METTL15: variants seen among roughly 807,000 people sequenced by gnomAD.
METTL15 encodes the protein methyltransferase 15, mitochondrial 12S rRNA N4-cytidine, also known as 12S rRNA N(4)-cytidine methyltransferase METTL15.
METTL15 carries 34 observed loss-of-function variants against 38.3 expected under a neutral mutation model. The ratio of observed to expected loss-of-function variants is 0.89; its 90% CI spans 0.68 to 1.18. The LOEUF is 1.18. Among genes scored for constraint, METTL15 ranks in the 50% most tolerant of loss-of-function variants. The probability of loss-of-function intolerance (pLI) is 0.00; values close to 1 mark genes in which losing one functional copy is unlikely to be tolerated. For missense variants in METTL15, 438 were observed against 498.4 expected (o/e 0.88, Z 1.15); for synonymous variants, 162 against 170.9 (o/e 0.95, Z 0.41).
rs190288623 is a variant in METTL15, at chr11:28,394,485, G to T, written c.*359-29814G>T. Among the ~76,000 whole-genome samples the T allele has an allele frequency of 2.1e-3, 313 of 152,114 alleles. 1 individual carries two copies. Among genetic ancestry groups the T allele is most frequent in the African/African-American group, 6.3e-3 (260 of 41,530 alleles). On this transcript the variant is annotated intron_variant and NMD_transcript_variant, in intron 5 of 7. Coordinates refer to the METTL15 transcript ENST00000532947. ...CTCACACACTCTGGCTCACAAGGAG[G>T]GGGGTGGAAGTTATAAAAAGGAGTG...
rs1426096743 is a variant in METTL15, at chr11:28,137,644, A to ATG, written c.270+24042_270+24043dup. Among the ~76,000 whole-genome samples the ATG allele has an allele frequency of 7.9e-5, 12 of 152,338 alleles. No homozygotes were observed. The East Asian group carries it at 1.9e-3, about 24-fold the overall frequency. On this transcript the variant is annotated intron_variant, in intron 3 of 6. Transcript: ENST00000407364. The stretch of plus-strand genomic sequence containing the variant: ...AAGAAGCAGTTTGTAACCTTCGAAC[A>ATG]TGTAGCAAACCTAGTATCTGACCAG...
At position 28,142,660 on chromosome 11, in the gene METTL15, A is replaced by G. The variant is rs571125016; in HGVS notation, c.270+29056A>G. Among the ~76,000 whole-genome samples, 29 of 152,288 alleles carry G rather than the reference A, an allele frequency of 1.9e-4. 2 individuals are homozygous for G. In the South Asian group the frequency reaches 5.8e-3, roughly 30 times the overall value. On this transcript the variant is annotated intron_variant, in intron 3 of 6. Coordinates refer to ENST00000407364, the MANE Select transcript of METTL15 (RefSeq NM_001113528.2). ...AGTGTAGACAGCAAGGATGTATGGA[A>G]AAAGATGAAGTTAAGGAGAACAGAA...
chr11:28,174,363 A>C (rs1850972806), intron 3 of METTL15, among the ~76,000 whole-genome samples: 1 of 152,188 alleles, frequency 6.6e-6, no homozygotes, highest in African/African-American at 2.4e-5. Context: ...ATTTTATTAT[A>C]ACCAAGGTTT....
At chr11:28,218,922 G>T (rs554818001) in intron 4 of METTL15, among the ~76,000 whole-genome samples, 1 of 152,266 alleles carries the variant, frequency 6.6e-6, no homozygotes, top group Non-Finnish European at 1.5e-5. Context: ...CTTGATCATG[G>T]TGGATAAGCT....
intron 6 of METTL15, among the ~76,000 whole-genome samples, chr11:28,456,751 GT>G (rs1482507849): frequency 1.3e-5 from 2 of 152,082 alleles, no homozygotes; most frequent in Non-Finnish European, 2.9e-5. Context: ...CAGCCCCCAT[GT>G]TTTAAGAAGC....
chr11:28,487,813 G>A (rs1851450650), intron 6 of METTL15, among the ~76,000 whole-genome samples: 1 of 152,092 alleles, frequency 6.6e-6, no homozygotes, highest in Admixed American at 6.6e-5. Context: ...GCACTACAAT[G>A]TTGAATTGCA....
At chr11:28,275,561 C>CA (rs1205976794) in intron 4 of METTL15, among the ~76,000 whole-genome samples, 1 of 149,674 alleles carries the variant, frequency 6.7e-6, no homozygotes, top group East Asian at 2.0e-4. Context: ...GAAACTATCC[C>CA]AAAAAATCAG....
At chr11:28,140,395 C>T (rs1048736124) in intron 3 of METTL15, among the ~76,000 whole-genome samples, 1 of 152,136 alleles carries the variant, frequency 6.6e-6, no homozygotes, top group Non-Finnish European at 1.5e-5. Context: ...GGGGTACTCT[C>T]CAGCATCCTG....
chr11:28,124,314 T>C (rs1852379009), intron 3 of METTL15, among the ~76,000 whole-genome samples: 1 of 152,078 alleles, frequency 6.6e-6, no homozygotes, highest in African/African-American at 2.4e-5. Context: ...AGAGAATAGA[T>C]CACTAGCCCC....
At position 28,175,107 on chromosome 11, in the gene METTL15, C is replaced by T. The variant is rs934784941; in HGVS notation, c.271-35955C>T. On this transcript the variant is annotated intron_variant, in intron 3 of 6. Transcript: ENST00000407364. ...TGCTATCCCTCCCCCCTACCCCCAC[C>T]CCACAACAGGCCCCGATGTGTGATG... Among the ~76,000 whole-genome samples, 25 of 152,002 alleles carry T rather than the reference C, an allele frequency of 1.6e-4. 1 individual carries two copies. The highest frequency in any genetic ancestry group is 5.8e-4 in the African/African-American group (24 of 41,470).
At chr11:28,415,307 G>A (rs989194748) in intron 5 of METTL15, among the ~76,000 whole-genome samples, 5 of 152,126 alleles carry the variant, frequency 3.3e-5, no homozygotes, top group Admixed American at 2.6e-4. Flanking sequence ...AGTAGATTTG[G>A]TTATCTAGGG....
Position 28,113,590 on chromosome 11 carries a change from C to G in METTL15, c.256C>G (p.Pro86Ala), listed in dbSNP as rs746307658. The G allele has an allele frequency of 3.7e-6, 6 of 1,606,904 alleles. No individual in the cohort carries two copies. The highest frequency in any genetic ancestry group is 5.1e-6 in the Non-Finnish European group (6 of 1,176,852). Residue 86 changes from proline (P) to alanine (A), a missense_variant, in exon 3 of 7, where the codon CCA becomes GCA. Coordinates refer to ENST00000407364, the MANE Select transcript of METTL15 (RefSeq NM_001113528.2). ...GGATGAAGTTGTTCATTGTTTGTCACCACAAAAAGGACAGGTGAGTTGAAT... is the reference window on the plus strand; with the variant it reads ...GGATGAAGTTGTTCATTGTTTGTCAGCACAAAAAGGACAGGTGAGTTGAAT... ...MVDEVVHCLS[P>A]QKGQIFLDMT...
At chr11:28,253,957 C>A (rs1234264897) in intron 4 of METTL15, among the ~76,000 whole-genome samples, 1 of 152,114 alleles carries the variant, frequency 6.6e-6, no homozygotes, top group Admixed American at 6.5e-5. Flanking sequence ...GTGCAGATAT[C>A]TCTTCAATAT....
chr11:28,500,855 T>G (rs1164575944), intron 6 of METTL15, among the ~76,000 whole-genome samples: 1 of 152,180 alleles, frequency 6.6e-6, no homozygotes, highest in African/African-American at 2.4e-5. Flanking sequence ...TCTCTTTTGA[T>G]TTTCAGTGTA....
intron 4 of METTL15, among the ~76,000 whole-genome samples, chr11:28,259,744 T>C (rs2133937545): frequency 6.6e-6 from 1 of 152,272 alleles, no homozygotes; most frequent in South Asian, 2.1e-4. Flanking sequence ...TTCAAGGCTG[T>C]TTTTCCTACC....
chr11:28,304,912 TAG>T (rs1235676492), intron 6 of METTL15, among the ~76,000 whole-genome samples: 2 of 152,170 alleles, frequency 1.3e-5, no homozygotes, highest in East Asian at 1.9e-4. Flanking sequence ...GGAAAAGTGT[TAG>T]AGTGTTCAGT....
chr11:28,506,172 T>C (rs890856847), intron 6 of METTL15, among the ~76,000 whole-genome samples: 5 of 152,224 alleles, frequency 3.3e-5, no homozygotes, highest in Non-Finnish European at 7.3e-5. Context: ...GCCTCTGTTA[T>C]CCAAATGACG....
intron 6 of METTL15, among the ~76,000 whole-genome samples, chr11:28,431,282 C>T (rs1443719423): frequency 6.9e-5 from 10 of 145,712 alleles, no homozygotes; most frequent in Middle Eastern, 3.7e-3. Flanking sequence ...GGAGGTGTGC[C>T]CAACAGCTCA....
intron 3 of METTL15, among the ~76,000 whole-genome samples, chr11:28,146,498 C>T (rs1285747145): frequency 6.6e-6 from 1 of 151,910 alleles, no homozygotes. Context: ...GATTTTTGTT[C>T]TGCTTCATAG....
Sources: gnomAD v4.1 joint callset for allele counts (sites outside exome capture counted in the v4.1 genomes callset) on GRCh38, gnomAD v4.1.1 for gene constraint, MANE v1.5 for transcripts, NCBI Gene and HGNC (gene_info 2026-07-23, HGNC 2026-07-21) for gene names.